Variants in RNASE6 observed in about 807,000 individuals in gnomAD.
The protein encoded by RNASE6 is ribonuclease A family member 6.
For missense variants in RNASE6, 197 were observed against 181.9 expected, an observed-to-expected ratio of 1.08 and a Z score of -0.48; for synonymous variants, 64 against 63.6, an observed-to-expected ratio of 1.01 and a Z score of -0.03.
At chr14:20,781,417 T>C in intron 1 of RNASE6, 79 bp downstream of exon 1, 1 of 378,414 alleles carries the variant, frequency 2.6e-6, no homozygotes, top group Non-Finnish European at 4.8e-6. Context: ...AGAGGGTAAA[T>C]ATTTCAGGAG....
At position 20,782,339 on chromosome 14, in the gene RNASE6, T is replaced by A; in HGVS notation, c.*187T>A. ...ATAAGATTATTTTCTGCTTTGTAGT[T>A]CTGTACTTTTCGAGAGAAGGGAATA... On this transcript the variant is annotated 3_prime_UTR_variant, in exon 2 of 2. Transcript: ENST00000304677. 1 of 612,848 alleles carries A rather than the reference T, an allele frequency of 1.6e-6. No individual in the cohort carries two copies. Among genetic ancestry groups the A allele is most frequent in the Non-Finnish European group, 2.9e-6 (1 of 350,536 alleles). 38.0% of individuals were successfully genotyped at this position (612,848 alleles called of 1,614,324 possible).
At chr14:20,781,435 G>A in intron 1 of RNASE6, 97 bp downstream of exon 1, 1 of 432,102 alleles carries the variant, frequency 2.3e-6, no homozygotes, top group Non-Finnish European at 4.1e-6. Flanking sequence ...GAGGGAAGAG[G>A]GAAGAAACTT....
In RNASE6 at chr14:20,782,273, C is replaced by T. The variant is rs1878684283; in HGVS notation, c.*121C>T. Reference sequence around the variant, plus strand: ...AAAGAAGAAAGGTGTTTGGAGAATTCGAGTGCCTAGGATGCCAGACCAGAG... The same window carrying T: ...AAAGAAGAAAGGTGTTTGGAGAATTTGAGTGCCTAGGATGCCAGACCAGAG... On this transcript the variant is annotated 3_prime_UTR_variant, in exon 2 of 2. Transcript: ENST00000304677. 4 of 1,000,096 alleles carry T rather than the reference C, an allele frequency of 4.0e-6. No homozygotes were observed. Among genetic ancestry groups the T allele is most frequent in the South Asian group, 1.7e-5 (1 of 58,372 alleles). The allele number at this position is 1,000,096 out of a possible 1,614,324, so 62.0% of individuals were successfully genotyped here.
At position 20,782,115 on chromosome 14, in the gene RNASE6, A is replaced by G. The variant is rs765361349; in HGVS notation, c.416A>G (p.Tyr139Cys). Residue 139 changes from tyrosine (Y) to cysteine (C), a missense_variant, in exon 2 of 2, where the codon TAC becomes TGC. Tyr to Cys is a radical substitution (Grantham distance 194). Coordinates refer to ENST00000304677, the MANE Select transcript of RNASE6 (RefSeq NM_005615.5). ...CCCCCTCAGAAGAGCGATCCCCCCT[A>G]CAAGTTGGTTCCTGTACACTTAGAT... ...CDPPQKSDPP[Y>C]KLVPVHLDSI... 15 of 1,611,660 alleles carry G rather than the reference A, an allele frequency of 9.3e-6. No individual in the cohort carries two copies. Among genetic ancestry groups the G allele is most frequent in the South Asian group, 3.3e-5 (3 of 90,706 alleles).
In RNASE6 at chr14:20,781,859, A is replaced by G; in HGVS notation, c.160A>G (p.Asn54Asp). The G allele has an allele frequency of 6.2e-7, 1 of 1,614,198 alleles. No homozygotes were observed. Among genetic ancestry groups the G allele is most frequent in the Non-Finnish European group, 8.5e-7 (1 of 1,180,036 alleles). ...LQCNRAMSGI[N>D]NYTQHCKHQN... Reference sequence around the variant, plus strand: ...ATGCAACAGGGCAATGAGTGGCATCAACAATTATACCCAGCACTGTAAGCA... The same window carrying G: ...ATGCAACAGGGCAATGAGTGGCATCGACAATTATACCCAGCACTGTAAGCA... Residue 54 changes from asparagine (N) to aspartate (D), a missense_variant, in exon 2 of 2, where the codon AAC becomes GAC. Transcript: ENST00000304677.
At position 20,781,759 on chromosome 14, in the gene RNASE6, A is replaced by G; in HGVS notation, c.60A>G (p.Pro20=). 6.2e-7 allele frequency: 1 copy of G among 1,614,020 alleles called. No individual in the cohort carries two copies. The highest frequency in any genetic ancestry group is 2.2e-5 in the East Asian group (1 of 44,886). ...LLLVLWGPVC[P]LHAWPKRLTK... ...TGGTTCTATGGGGACCAGTGTGTCC[A>G]CTTCATGCTTGGCCTAAGCGTCTCA... The change falls in exon 2 of 2, where the codon CCA becomes CCG. Residue 20 remains proline (P), a synonymous_variant. Transcript: ENST00000304677.
chr14:20,782,345 C>G lies in RNASE6; in HGVS notation c.*193C>G. The G allele has an allele frequency of 6.6e-6, 4 of 602,186 alleles. No homozygotes were observed. In the South Asian group the frequency reaches 9.5e-5, roughly 14 times the overall value. The allele number at this position is 602,186 out of a possible 1,614,324, so 37.3% of individuals were successfully genotyped here. On this transcript the variant is annotated 3_prime_UTR_variant, in exon 2 of 2. Transcript: ENST00000304677. ...TTATTTTCTGCTTTGTAGTTCTGTA[C>G]TTTTCGAGAGAAGGGAATAGGGAAG... is the stretch of plus-strand genomic sequence containing the variant.
Position 20,781,823 on chromosome 14 carries a change from A to T in RNASE6, c.124A>T (p.Ser42Cys). Residue 42 changes from serine to cysteine, a missense_variant, in exon 2 of 2, where the codon AGT (serine) becomes TGT (cysteine). Ser to Cys is a moderately radical substitution (Grantham distance 112, BLOSUM62 -1). Transcript: ENST00000304677. ...HWFEIQHIQP[S>C]PLQCNRAMSG... ...GTTTGAAATTCAGCATATACAGCCA[A>T]GTCCTCTCCAATGCAACAGGGCAAT... 6.2e-7 allele frequency: 1 copy of T among 1,614,190 alleles called. No individual in the cohort carries two copies. Among genetic ancestry groups the T allele is most frequent in the East Asian group, 2.2e-5 (1 of 44,884 alleles).
At position 20,782,339 on chromosome 14, in the gene RNASE6, T is replaced by C; in HGVS notation, c.*187T>C. The C allele has an allele frequency of 1.6e-6, 1 of 612,848 alleles. No homozygotes were observed. The highest frequency in any genetic ancestry group is 2.9e-6 in the Non-Finnish European group (1 of 350,536). The allele number at this position is 612,848 out of a possible 1,614,324, so 38.0% of individuals were successfully genotyped here. On this transcript the variant is annotated 3_prime_UTR_variant, in exon 2 of 2. Coordinates refer to ENST00000304677, the MANE Select transcript of RNASE6 (RefSeq NM_005615.5). ...ATAAGATTATTTTCTGCTTTGTAGTTCTGTACTTTTCGAGAGAAGGGAATA... is the reference window on the plus strand; with the variant it reads ...ATAAGATTATTTTCTGCTTTGTAGTCCTGTACTTTTCGAGAGAAGGGAATA...
chr14:20,781,563 C>T (rs1046561759), intron 1 of RNASE6, 132 bp from the exon 2 acceptor site: 3 of 664,906 alleles, frequency 4.5e-6, no homozygotes, highest in Admixed American at 3.2e-5. Flanking sequence ...AATTGTGAGA[C>T]TATGTGAGAA....
chr14:20,781,826 C>T lies in RNASE6; in HGVS notation c.127C>T (p.Pro43Ser). The T allele has an allele frequency of 6.2e-7, 1 of 1,614,160 alleles. No individual in the cohort carries two copies. Among genetic ancestry groups the T allele is most frequent in the Non-Finnish European group, 8.5e-7 (1 of 1,180,016 alleles). The change falls in exon 2 of 2, where the codon CCT becomes TCT. Residue 43 changes from proline to serine, a missense_variant. Coordinates refer to ENST00000304677, the MANE Select transcript of RNASE6 (RefSeq NM_005615.5). ...WFEIQHIQPS[P>S]LQCNRAMSGI... ...TGAAATTCAGCATATACAGCCAAGT[C>T]CTCTCCAATGCAACAGGGCAATGAG...
In RNASE6 at chr14:20,782,366, G is replaced by A; in HGVS notation, c.*214G>A. The A allele has an allele frequency of 3.6e-6, 2 of 558,306 alleles. No individual in the cohort carries two copies. The highest frequency in any genetic ancestry group is 2.7e-5 in the South Asian group (1 of 36,724). 34.6% of individuals were successfully genotyped at this position (558,306 alleles called of 1,614,324 possible). ...TGTACTTTTCGAGAGAAGGGAATAG[G>A]GAAGACAGCAAAGAAAGATTCAGAT... On this transcript the variant is annotated 3_prime_UTR_variant, in exon 2 of 2. Transcript: ENST00000304677.
Position 20,781,812 on chromosome 14 carries a change from A to G in RNASE6, c.113A>G (p.His38Arg). Reference protein sequence around the residue: ...LTKAHWFEIQHIQPSPLQCNR... With the variant: ...LTKAHWFEIQRIQPSPLQCNR... ...AAGGCTCACTGGTTTGAAATTCAGC[A>G]TATACAGCCAAGTCCTCTCCAATGC... Residue 38 changes from histidine (H) to arginine (R), a missense_variant, in exon 2 of 2, where the codon CAT (histidine) becomes CGT (arginine). Coordinates refer to ENST00000304677, the MANE Select transcript of RNASE6 (RefSeq NM_005615.5). The G allele has an allele frequency of 6.2e-7, 1 of 1,614,210 alleles. No homozygotes were observed.
chr14:20,782,182 A>C lies in RNASE6; in HGVS notation c.*30A>C. ...TCCACTGCATTTCCTTTCATTTGACATAGCTTCTGTTACAATTGCATCCAT... is the reference window on the plus strand; with the variant it reads ...TCCACTGCATTTCCTTTCATTTGACCTAGCTTCTGTTACAATTGCATCCAT... On this transcript the variant is annotated 3_prime_UTR_variant, in exon 2 of 2. Transcript: ENST00000304677. 6.7e-7 allele frequency: 1 copy of C among 1,500,954 alleles called. No individual in the cohort carries two copies. The highest frequency in any genetic ancestry group is 9.0e-7 in the Non-Finnish European group (1 of 1,115,526). The allele number at this position is 1,500,954 out of a possible 1,614,324, so 93.0% of individuals were successfully genotyped here. A position where few individuals can be genotyped will look rare whatever the true frequency, so the allele number is the denominator to read the frequency against.
chr14:20,782,296 G>C lies in RNASE6; in HGVS notation c.*144G>C, dbSNP rs1383513035. On this transcript the variant is annotated 3_prime_UTR_variant, in exon 2 of 2. Transcript: ENST00000304677. ...TTCGAGTGCCTAGGATGCCAGACCA[G>C]AGTTGAGACAAAAAGAAATAAGATT... 2 of 720,650 alleles carry C rather than the reference G, an allele frequency of 2.8e-6. No homozygotes were observed. The highest frequency in any genetic ancestry group is 4.6e-6 in the Non-Finnish European group (2 of 436,668). The allele number at this position is 720,650 out of a possible 1,614,324, so 44.6% of individuals were successfully genotyped here. A position where few individuals can be genotyped will look rare whatever the true frequency, so the allele number is the denominator to read the frequency against.
In RNASE6 at chr14:20,782,236, T is replaced by TACGGGAACAAGAAAA; in HGVS notation, c.*84_*85insACGGGAACAAGAAAA. 7.5e-7 allele frequency: 1 copy of TACGGGAACAAGAAAA among 1,332,432 alleles called. No individual in the cohort carries two copies. The highest frequency in any genetic ancestry group is 1.0e-6 in the Non-Finnish European group (1 of 970,556). 82.5% of individuals were successfully genotyped at this position (1,332,432 alleles called of 1,614,324 possible). A position where few individuals can be genotyped will look rare whatever the true frequency, so the allele number is the denominator to read the frequency against. Reference sequence around the variant, plus strand: ...TTCTTTTCTTTTGTTGATTTTCTTGTTCCCGTAGAAGAAAGAAGAAAGGTG... The same window carrying TACGGGAACAAGAAAA: ...TTCTTTTCTTTTGTTGATTTTCTTGTACGGGAACAAGAAAATCCCGTAGAAGAAAGAAGAAAGGTG... On this transcript the variant is annotated 3_prime_UTR_variant, in exon 2 of 2. Transcript: ENST00000304677.
chr14:20,781,100 TG>T (rs1878629759), upstream of RNASE6: 1 of 152,456 alleles, frequency 6.6e-6, no homozygotes, highest in Non-Finnish European at 1.5e-5. Context: ...CCTGTATACA[TG>T]TGATAATGAT....
At chr14:20,781,225 C>G (rs1409826489), upstream of RNASE6, 1 of 156,182 alleles carries the variant, frequency 6.4e-6, no homozygotes, top group Non-Finnish European at 1.4e-5. Flanking sequence ...ATTTCTTCCC[C>G]TTCCCTATAC....
At position 20,781,985 on chromosome 14, in the gene RNASE6, T is replaced by G. The variant is rs115122004; in HGVS notation, c.286T>G (p.Ser96Ala). 320 of 1,614,182 alleles carry G rather than the reference T, an allele frequency of 2.0e-4. No individual in the cohort carries two copies. In the East Asian group the frequency reaches 5.0e-3, roughly 25 times the overall value. ...TCGTCGGCACAACTGCCACCAGAGC[T>G]CAAAGCCTGTCAACATGACTGACTG... ...KNRRHNCHQSSKPVNMTDCRL... is the reference protein window; with the variant it reads ...KNRRHNCHQSAKPVNMTDCRL... The change falls in exon 2 of 2, where the codon TCA (serine) becomes GCA (alanine). Residue 96 changes from serine (S) to alanine (A), a missense_variant. Physicochemically the swap from Ser to Ala is moderately conservative, Grantham distance 99. Transcript: ENST00000304677.
Sources: allele counts gnomAD v4.1 joint callset, GRCh38; gene constraint gnomAD v4.1.1; transcripts MANE v1.5; gene names NCBI Gene and HGNC (gene_info 2026-07-23, HGNC 2026-07-21).